GPAA1: variants seen among roughly 807,000 people sequenced by gnomAD.
The protein encoded by GPAA1 is glycosylphosphatidylinositol anchor attachment 1, also known as GPI-anchor transamidase component GPAA1.
A neutral mutation model predicts 64.0 loss-of-function variants in GPAA1; 54 were observed. The observed-to-expected ratio is 0.84, with a 90% confidence interval of 0.68 to 1.06. The LOEUF is 1.06. Among genes scored for constraint, GPAA1 ranks in the 50% least tolerant of loss-of-function variants. GPAA1 has a pLI of 0.00. For synonymous variants in GPAA1, 393 were observed against 377.3 expected (o/e 1.04, Z -0.48); for missense variants, 780 against 822.3 (o/e 0.95, Z 0.63).
chr8:144,085,696 C>T lies in GPAA1; in HGVS notation c.1575C>T (p.Ala525=). The change falls in exon 11 of 12, where the codon GCC becomes GCT. Residue 525 remains alanine (A), a synonymous_variant. Transcript: ENST00000355091. ...ACTTCTCACTGGGCTTCCTGCTGGC[C>T]ACCACCATGGTGCCCACTGCTGCGC... ...LTNFSLGFLL[A]TTMVPTAALA... 6.2e-7 allele frequency: 1 copy of T among 1,613,576 alleles called. No homozygotes were observed. Among genetic ancestry groups the T allele is most frequent in the Non-Finnish European group, 8.5e-7 (1 of 1,179,984 alleles).
intron 9 of GPAA1, 64 bp from the exon 10 acceptor site, chr8:144,085,225 G>A: frequency 1.3e-6 from 2 of 1,491,060 alleles, no homozygotes; most frequent in South Asian, 1.3e-5. Context: ...CTGGTGGGAT[G>A]GTGGTGGTCT....
intron 5 of GPAA1, 33 bp downstream of exon 5, chr8:144,084,073 C>T (rs782688759): frequency 1.2e-6 from 2 of 1,605,858 alleles, no homozygotes; most frequent in Non-Finnish European, 1.7e-6. Flanking sequence ...CCCTGGTCCC[C>T]CTCTCAGGGT....
Position 144,085,675 on chromosome 8 carries a change from C to G in GPAA1, c.1554C>G (p.Phe518Leu). The G allele has an allele frequency of 6.2e-7, 1 of 1,613,834 alleles. No homozygotes were observed. The highest frequency in any genetic ancestry group is 8.5e-7 in the Non-Finnish European group (1 of 1,179,990). The change falls in exon 11 of 12, where the codon TTC becomes TTG. Residue 518 changes from phenylalanine to leucine, a missense_variant. Physicochemically the swap from Phe to Leu is conservative, Grantham distance 22. Coordinates refer to ENST00000355091, the MANE Select transcript of GPAA1 (RefSeq NM_003801.4). Reference protein sequence around the residue: ...LQLGCIALTNFSLGFLLATTM... With the variant: ...LQLGCIALTNLSLGFLLATTM... ...TGGGCTGCATCGCCCTCACCAACTT[C>G]TCACTGGGCTTCCTGCTGGCCACCA...
In GPAA1 at chr8:144,082,728, G is replaced by T. The variant is rs957706500; in HGVS notation, c.-3G>T. ...GTCCGTAGCCGCGCCGCCCTGCCCC[G>T]CCATGGGCCTCCTGTCGGACCCGGT... On this transcript the variant is annotated 5_prime_UTR_variant, in exon 1 of 12. Coordinates refer to ENST00000355091, the MANE Select transcript of GPAA1 (RefSeq NM_003801.4). 5.0e-6 allele frequency: 7 copies of T among 1,413,542 alleles called. No homozygotes were observed. The Admixed American group carries it at 1.3e-4, about 26-fold the overall frequency. 87.6% of individuals were successfully genotyped at this position (1,413,542 alleles called of 1,614,324 possible). A position where few individuals can be genotyped will look rare whatever the true frequency, so the allele number is the denominator to read the frequency against.
At position 144,084,869 on chromosome 8, in the gene GPAA1, T is replaced by G; in HGVS notation, c.1158T>G (p.Gly386=). 3 of 1,613,450 alleles carry G rather than the reference T, an allele frequency of 1.9e-6. No individual in the cohort carries two copies. The highest frequency in any genetic ancestry group is 1.7e-6 in the Non-Finnish European group (2 of 1,179,970). ...TCGGCTTCTTGCTCCTGGTCCTTGG[T>G]CTCAAGATATCCTCTGCCCCTTGCC... The part of the protein sequence containing the change: ...PAVGFLLLVL[G]LKALELWMQL... Residue 386 remains glycine (G), a synonymous_variant, in exon 8 of 12, where the codon GGT becomes GGG. Coordinates refer to ENST00000355091, the MANE Select transcript of GPAA1 (RefSeq NM_003801.4).
At position 144,083,985 on chromosome 8, in the gene GPAA1, T is replaced by C; in HGVS notation, c.561T>C (p.His187=). ...ATATCGTCTTCCTGGTAACAGAACATGACCTTCTGGGCACTGAGGCTTGGC... is the reference window on the plus strand; with the variant it reads ...ATATCGTCTTCCTGGTAACAGAACACGACCTTCTGGGCACTGAGGCTTGGC... ...AKDIVFLVTE[H]DLLGTEAWLE... is the part of the protein sequence containing the mutation. Residue 187 remains histidine (H), a synonymous_variant, in exon 5 of 12, where the codon CAT becomes CAC. Transcript: ENST00000355091. The C allele has an allele frequency of 6.2e-7, 1 of 1,614,096 alleles. No homozygotes were observed. The highest frequency in any genetic ancestry group is 1.6e-4 in the Middle Eastern group (1 of 6,062).
In GPAA1 at chr8:144,083,434, G is replaced by A; in HGVS notation, c.300G>A (p.Gly100=). The A allele has an allele frequency of 6.2e-7, 1 of 1,613,776 alleles. No homozygotes were observed. Residue 100 remains glycine (G), a synonymous_variant, in exon 3 of 12, where the codon GGG becomes GGA. Transcript: ENST00000355091. The part of the protein sequence containing the change: ...AWLERTMRSV[G]LEVYTQSFSR... Reference sequence around the variant, plus strand: ...TTGAACGGACGATGCGGTCAGTAGGGCTGGAGGTCTACACGCAGAGTTTCT... The same window carrying A: ...TTGAACGGACGATGCGGTCAGTAGGACTGGAGGTCTACACGCAGAGTTTCT...
rs782748287 is a variant in GPAA1, at chr8:144,084,237, G to A, written c.720G>A (p.Glu240=). The change falls in exon 6 of 12, where the codon GAG becomes GAA. Residue 240 remains glutamate (E), a synonymous_variant. Transcript: ENST00000355091. ...TCACCAGCCTCGATGTGGCCGTGGAGGGGCTTAACGGGCAGCTGCCCAACC... is the reference window on the plus strand; with the variant it reads ...TCACCAGCCTCGATGTGGCCGTGGAAGGGCTTAACGGGCAGCTGCCCAACC... ...DVVTSLDVAV[E]GLNGQLPNLD... 19 of 1,613,830 alleles carry A rather than the reference G, an allele frequency of 1.2e-5. No individual in the cohort carries two copies. Among genetic ancestry groups the A allele is most frequent in the South Asian group, 9.9e-5 (9 of 91,088 alleles).
At position 144,083,275 on chromosome 8, in the gene GPAA1, G is replaced by C. The variant is rs2129938885; in HGVS notation, c.226G>C (p.Asp76His). The change falls in exon 2 of 12, where the codon GAC becomes CAC. Residue 76 changes from aspartate to histidine, a missense_variant. Asp to His is a moderately conservative substitution (Grantham distance 81). Coordinates refer to ENST00000355091, the MANE Select transcript of GPAA1 (RefSeq NM_003801.4). ...AGACCGTGCCCGGGCTTTTGCCCGGGACTTCGCCGCCCACCGCAAGAAGTC... is the reference window on the plus strand; with the variant it reads ...AGACCGTGCCCGGGCTTTTGCCCGGCACTTCGCCGCCCACCGCAAGAAGTC... ...GGDRARAFAR[D>H]FAAHRKKSGA... is the part of the protein sequence containing the mutation. 6.2e-7 allele frequency: 1 copy of C among 1,603,436 alleles called. No individual in the cohort carries two copies. Among genetic ancestry groups the C allele is most frequent in the Non-Finnish European group, 8.5e-7 (1 of 1,173,280 alleles).
intron 3 of GPAA1, 66 bp from the exon 4 acceptor site, chr8:144,083,648 T>C (rs1474384807): frequency 2.0e-6 from 3 of 1,511,190 alleles, no homozygotes; most frequent in Non-Finnish European, 2.7e-6. Flanking sequence ...AGGAAAGTTG[T>C]GGGGGGCCCT....
rs1835940968 is a variant in GPAA1 at position 144,083,415 on chromosome 8, G to C, written c.281G>C (p.Arg94Pro). ...SGALPVAWLERTMRSVGLEVY... is the reference protein window; with the variant it reads ...SGALPVAWLEPTMRSVGLEVY... ...GCTCTGCCAGTGGCCTGGCTTGAAC[G>C]GACGATGCGGTCAGTAGGGCTGGAG... The change falls in exon 3 of 12, where the codon CGG becomes CCG. Residue 94 changes from arginine (R) to proline (P), a missense_variant. By Grantham distance (103) the Arg-to-Pro change is moderately radical. Transcript: ENST00000355091. 3.1e-6 allele frequency: 5 copies of C among 1,613,674 alleles called. No individual in the cohort carries two copies. The highest frequency in any genetic ancestry group is 4.2e-6 in the Non-Finnish European group (5 of 1,179,938).
In GPAA1 at chr8:144,083,587, G is replaced by A. The variant is rs1270895096; in HGVS notation, c.366+87G>A. The A allele has an allele frequency of 2.4e-5, 34 of 1,427,784 alleles. No individual in the cohort carries two copies. The Admixed American group carries it at 5.6e-4, about 24-fold the overall frequency. The allele number at this position is 1,427,784 out of a possible 1,614,324, so 88.4% of individuals were successfully genotyped here. A position where few individuals can be genotyped will look rare whatever the true frequency, so the allele number is the denominator to read the frequency against. The stretch of plus-strand genomic sequence containing the variant: ...GGGTATCACCTTGCGGGGGTGTCAT[G>A]GGGCCAGGAAGCTCAGTGGGAGGGA... On this transcript the variant is annotated intron_variant, in intron 3 of 11. Transcript: ENST00000355091.
rs782480282 is a variant in GPAA1 at position 144,083,528 on chromosome 8, C to G, written c.366+28C>G. 3 of 1,557,612 alleles carry G rather than the reference C, an allele frequency of 1.9e-6. No individual in the cohort carries two copies. In the South Asian group the frequency reaches 3.3e-5, roughly 17 times the overall value. ...ACTGGGGGAGTGGGGTGTGCCTGGG[C>G]CCAGAAAGCACCTTGGAGGGAGGGG... On this transcript the variant is annotated intron_variant, in intron 3 of 11. Transcript: ENST00000355091.
In GPAA1 at chr8:144,085,969, G is replaced by A. The variant is rs781986075; in HGVS notation, c.1710G>A (p.Ala570=). 1.1e-5 allele frequency: 17 copies of A among 1,606,440 alleles called. No homozygotes were observed. The highest frequency in any genetic ancestry group is 6.7e-5 in the East Asian group (3 of 44,884). The stretch of plus-strand genomic sequence containing the variant: ...TCCTGTGGCGGGAGCTGCAGGAGGC[G>A]CCACTGTCACTGGCCGAGGGCTGGC... ...SLFLWRELQE[A]PLSLAEGWQL... The change falls in exon 12 of 12, where the codon GCG becomes GCA. Residue 570 remains alanine, a synonymous_variant. Transcript: ENST00000355091.
At position 144,083,620 on chromosome 8, in the gene GPAA1, G is replaced by C. The variant is rs1835944281; in HGVS notation, c.367-94G>C. ...GAAGCTCAGTGGGAGGGAAATCCCT[G>C]GTGGGCACTGGAGGGCTAGGAAAGT... is the stretch of plus-strand genomic sequence containing the variant. On this transcript the variant is annotated intron_variant, in intron 3 of 11. Transcript: ENST00000355091. The C allele has an allele frequency of 2.1e-6, 3 of 1,429,446 alleles. No homozygotes were observed. In the East Asian group the frequency reaches 6.9e-5, roughly 33 times the overall value. 88.5% of individuals were successfully genotyped at this position (1,429,446 alleles called of 1,614,324 possible). A position where few individuals can be genotyped will look rare whatever the true frequency, so the allele number is the denominator to read the frequency against.
intron 10 of GPAA1, 24 bp from the exon 11 acceptor site, chr8:144,085,549 G>C (rs1331566241): frequency 6.2e-7 from 1 of 1,609,478 alleles, no homozygotes; most frequent in African/African-American, 1.3e-5. Context: ...CTTGTGGGTT[G>C]CCTCTGAGTC....
Position 144,085,574 on chromosome 8 carries a change from G to A in GPAA1, c.1453G>A (p.Val485Met). ...GLALPHNTHR[V>M]VSTQAPDRGW... ...GCCTCTGAGTCCTTTGTCTTACAGGGTGGTAAGCACACAGGCCCCAGACAG... is the reference window on the plus strand; with the variant it reads ...GCCTCTGAGTCCTTTGTCTTACAGGATGGTAAGCACACAGGCCCCAGACAG... The change falls in exon 11 of 12, where the codon GTG (valine) becomes ATG (methionine). Residue 485 changes from valine (V) to methionine (M), a missense_variant and splice_region_variant. Transcript: ENST00000355091. 2 of 1,613,218 alleles carry A rather than the reference G, an allele frequency of 1.2e-6. No individual in the cohort carries two copies. Among genetic ancestry groups the A allele is most frequent in the East Asian group, 2.2e-5 (1 of 44,874 alleles).
chr8:144,084,876 A>G lies in GPAA1; in HGVS notation c.1164+1A>G, dbSNP rs782802396. On this transcript the variant is annotated splice_donor_variant, in intron 8 of 11. Coordinates refer to ENST00000355091, the MANE Select transcript of GPAA1 (RefSeq NM_003801.4). LOFTEE classifies it high-confidence loss of function. The stretch of plus-strand genomic sequence containing the variant: ...CTTGCTCCTGGTCCTTGGTCTCAAG[A>G]TATCCTCTGCCCCTTGCCATCTACC... The G allele has an allele frequency of 1.2e-6, 2 of 1,613,078 alleles. No homozygotes were observed. Among genetic ancestry groups the G allele is most frequent in the African/African-American group, 2.7e-5 (2 of 74,812 alleles).
intron 7 of GPAA1, 26 bp downstream of exon 7, chr8:144,084,635 C>T (rs2129944569): frequency 6.2e-7 from 1 of 1,606,786 alleles, no homozygotes; most frequent in Non-Finnish European, 8.5e-7. Context: ...TCCCCCCTTT[C>T]CATGCCCAGG....
Sources: gnomAD v4.1 joint callset for allele counts on GRCh38, gnomAD v4.1.1 for gene constraint, MANE v1.5 for transcripts, NCBI Gene and HGNC (gene_info 2026-07-23, HGNC 2026-07-21) for gene names.